Variants in NGLY1 observed in about 807,000 individuals in gnomAD.
NGLY1 encodes the protein peptide-N(4)-(N-acetyl-beta-glucosaminyl)asparagine amidase.
In NGLY1, 68 loss-of-function variants were observed where a neutral mutation model predicts 84.6. That is an observed-to-expected ratio of 0.80 (90% CI 0.66 to 0.98). The LOEUF (loss-of-function observed/expected upper bound fraction) is 0.98, where lower values mean the gene tolerates loss of function less well. Ranked by LOEUF, NGLY1 falls within the 50% of genes least tolerant of loss-of-function variation. The pLI is 0.00. For missense variants in NGLY1, 779 were observed against 770.2 expected (o/e 1.01, Z -0.14); for synonymous variants, 280 against 275.2 (o/e 1.02, Z -0.17).
In NGLY1 at chr3:25,719,946, A is replaced by G. The variant is rs553635810; in HGVS notation, c.1789+68T>C. 9 of 1,365,234 alleles carry G rather than the reference A, an allele frequency of 6.6e-6. No homozygotes were observed. The African/African-American group carries it at 7.2e-5, about 11-fold the overall frequency. The allele number at this position is 1,365,234 out of a possible 1,614,324, so 84.6% of individuals were successfully genotyped here. ...GGTACGAAAAAGAGCTACATCTCAA[A>G]TAAGTACAATTAGTCTTCAGAGTGG... On this transcript the variant is annotated intron_variant, in intron 11 of 11. Transcript: ENST00000280700.
intron 2 of NGLY1, among the ~76,000 whole-genome samples, chr3:25,765,621 T>A (rs905958508): frequency 8.5e-5 from 13 of 152,200 alleles, no homozygotes; most frequent in African/African-American, 3.1e-4. Context: ...GAAAGTCAAT[T>A]CCATCTGAAT....
At chr3:25,722,272 C>CATATATATATATATAT (rs1308204639) in intron 10 of NGLY1, among the ~76,000 whole-genome samples, 18 of 67,238 alleles carry the variant, frequency 2.7e-4, no homozygotes, top group African/African-American at 5.0e-4. Context: ...TCTGTATACA[C>CATATATATATATATAT]ACATATATAT....
At chr3:25,761,962 A>G (rs1330069943) in intron 3 of NGLY1, among the ~76,000 whole-genome samples, 2 of 152,206 alleles carry the variant, frequency 1.3e-5, no homozygotes. Flanking sequence ...ATTACATACT[A>G]TAATTCTATT....
At chr3:25,754,693 A>C (rs1315611095) in intron 3 of NGLY1, among the ~76,000 whole-genome samples, 1 of 151,670 alleles carries the variant, frequency 6.6e-6, no homozygotes, top group Non-Finnish European at 1.5e-5. Flanking sequence ...GGATATGAAA[A>C]GAACTTAGGA....
At chr3:25,766,544 C>T (rs1172184203) in intron 2 of NGLY1, among the ~76,000 whole-genome samples, 2 of 152,146 alleles carry the variant, frequency 1.3e-5, no homozygotes, top group African/African-American at 2.4e-5. Flanking sequence ...AGGGAATGAG[C>T]GGAGAACATT....
Position 25,759,264 on chromosome 3 carries a change from G to C in NGLY1, c.492+4802C>G, listed in dbSNP as rs1055311701. On this transcript the variant is annotated intron_variant, in intron 3 of 11. Coordinates refer to ENST00000280700, the MANE Select transcript of NGLY1 (RefSeq NM_018297.4). ...ATGTAGAGTTGGTGATGACAAGTCT[G>C]GGGAATTCGCCATGGAAACAAATAT... Among the ~76,000 whole-genome samples the C allele has an allele frequency of 2.6e-5, 4 of 151,698 alleles. No individual in the cohort carries two copies. The South Asian group carries it at 8.3e-4, about 31-fold the overall frequency.
At chr3:25,742,673 C>T (rs530218066) in intron 4 of NGLY1, among the ~76,000 whole-genome samples, 1 of 152,072 alleles carries the variant, frequency 6.6e-6, no homozygotes, top group African/African-American at 2.4e-5. Context: ...TAGTGCCTAC[C>T]ATGCAGCAGC....
At chr3:25,753,512 G>C (rs1473766017) in intron 3 of NGLY1, among the ~76,000 whole-genome samples, 2 of 152,058 alleles carry the variant, frequency 1.3e-5, no homozygotes, top group African/African-American at 4.8e-5. Context: ...GATTGGTATA[G>C]ATAATCACAA....
chr3:25,756,725 G>C (rs1354822363), intron 3 of NGLY1, among the ~76,000 whole-genome samples: 1 of 152,120 alleles, frequency 6.6e-6, no homozygotes, highest in Admixed American at 6.6e-5. Context: ...CACATTTTTA[G>C]CTAGTTGCTG....
chr3:25,748,376 AGAC>A (rs1241275287), intron 4 of NGLY1, among the ~76,000 whole-genome samples: 10 of 152,110 alleles, frequency 6.6e-5, no homozygotes, highest in Admixed American at 3.9e-4. Context: ...ACAATGGGGG[AGAC>A]GACAAGAACA....
At position 25,719,338 on chromosome 3, in the gene NGLY1, GA is replaced by G. The variant is rs1384861405; in HGVS notation, c.*121del. The G allele has an allele frequency of 1.8e-4, 119 of 669,982 alleles. No individual in the cohort carries two copies. The East Asian group carries it at 3.1e-3, about 17-fold the overall frequency. The allele number at this position is 669,982 out of a possible 1,614,324, so 41.5% of individuals were successfully genotyped here. A position where few individuals can be genotyped will look rare whatever the true frequency, so the allele number is the denominator to read the frequency against. ...TAATTTTCATGAGGGTTACATGATGGATAGCTAGCAAAAGAAATATGCTAGC... is the reference window on the plus strand; with the variant it reads ...TAATTTTCATGAGGGTTACATGATGGTAGCTAGCAAAAGAAATATGCTAGC... On this transcript the variant is annotated 3_prime_UTR_variant, in exon 12 of 12. Transcript: ENST00000280700.
intron 2 of NGLY1, among the ~76,000 whole-genome samples, chr3:25,773,204 A>G (rs2125310205): frequency 1.3e-5 from 2 of 152,326 alleles, no homozygotes; most frequent in East Asian, 3.9e-4. Context: ...GTTTTCCTCA[A>G]TTATTCCCTC....
intron 3 of NGLY1, chr3:25,755,235 C>T: frequency 2.2e-6 from 3 of 1,370,892 alleles, no homozygotes; most frequent in Non-Finnish European, 3.1e-6. Context: ...ACCCCTTTGC[C>T]ACTGATTAAG....
chr3:25,762,524 A>T (rs909894193), intron 3 of NGLY1, among the ~76,000 whole-genome samples: 6 of 152,130 alleles, frequency 3.9e-5, no homozygotes, highest in African/African-American at 1.4e-4. Flanking sequence ...CCTTTGAGAA[A>T]ATTTATTTTC....
At chr3:25,757,274 C>T (rs1489818427) in intron 3 of NGLY1, among the ~76,000 whole-genome samples, 1 of 152,152 alleles carries the variant, frequency 6.6e-6, no homozygotes, top group Non-Finnish European at 1.5e-5. Flanking sequence ...GATATCATTA[C>T]TTGAATGTTC....
intron 2 of NGLY1, among the ~76,000 whole-genome samples, chr3:25,777,060 TAC>T (rs1708185147): frequency 6.6e-6 from 1 of 152,206 alleles, no homozygotes; most frequent in Admixed American, 6.5e-5. Flanking sequence ...GAATTCTCTT[TAC>T]AGCAAGCTAG....
At chr3:25,729,363 TAAAAAAGAA>T in intron 9 of NGLY1, 45 bp from the exon 10 acceptor site, 2 of 1,217,740 alleles carry the variant, frequency 1.6e-6, no homozygotes, top group Non-Finnish European at 2.1e-6. Context: ...ATGAAAGATG[TAAAAAAGAA>T]AAAAGAGAAA....
At position 25,719,527 on chromosome 3, in the gene NGLY1, A is replaced by G; in HGVS notation, c.1898T>C (p.Phe633Ser). 3 of 1,614,044 alleles carry G rather than the reference A, an allele frequency of 1.9e-6. No homozygotes were observed. Among genetic ancestry groups the G allele is most frequent in the Non-Finnish European group, 2.5e-6 (3 of 1,179,940 alleles). Reference protein sequence around the residue: ...GDVAWQHTQLFRQSLNDHEEN... With the variant: ...GDVAWQHTQLSRQSLNDHEEN... ...TTCATGGTCATTTAAGCTTTGTCTA[A>G]ACAGCTGGGTGTGTTGCCAAGCGAC... The change falls in exon 12 of 12, where the codon TTT becomes TCT. Residue 633 changes from phenylalanine (F) to serine (S), a missense_variant. Coordinates refer to ENST00000280700, the MANE Select transcript of NGLY1 (RefSeq NM_018297.4).
Position 25,764,144 on chromosome 3 carries a change from T to C in NGLY1, c.414A>G (p.Pro138=), listed in dbSNP as rs145234847. ...PAASTQLPTT[P]SSNPSGLNQH... ...GGTTTAACCCACTGGGATTTGAAGATGGTGTTGTAGGAAGCTGGGTACTGG... is the reference window on the plus strand; with the variant it reads ...GGTTTAACCCACTGGGATTTGAAGACGGTGTTGTAGGAAGCTGGGTACTGG... The change falls in exon 3 of 12, where the codon CCA becomes CCG. Residue 138 remains proline, a synonymous_variant. Transcript: ENST00000280700. The C allele has an allele frequency of 1.1e-4, 178 of 1,614,060 alleles. No individual in the cohort carries two copies. Among genetic ancestry groups the C allele is most frequent in the Non-Finnish European group, 7.8e-5 (92 of 1,180,026 alleles).
Sources: allele counts gnomAD v4.1 joint callset (sites outside exome capture counted in the v4.1 genomes callset), GRCh38; gene constraint gnomAD v4.1.1; transcripts MANE v1.5; gene names NCBI Gene and HGNC (gene_info 2026-07-23, HGNC 2026-07-21).